ACSS3: variants seen among roughly 807,000 people sequenced by gnomAD.
ACSS3 encodes the protein acyl-CoA synthetase short chain family member 3, also known as acyl-CoA synthetase short-chain family member 3, mitochondrial.
A neutral mutation model predicts 84.2 loss-of-function variants in ACSS3; 64 were observed. The observed-to-expected ratio is 0.76, with a 90% CI of 0.62 to 0.94. The LOEUF is 0.94. ACSS3 is among the 40% of genes least tolerant of loss of function. The pLI is 0.00. For synonymous variants in ACSS3, 317 were observed against 310.1 expected (o/e 1.02, Z -0.23); for missense variants, 815 against 867.6 (o/e 0.94, Z 0.76).
At chr12:81,112,011 G>A (rs1883639001) in intron 2 of ACSS3, among the ~76,000 whole-genome samples, 1 of 152,190 alleles carries the variant, frequency 6.6e-6, no homozygotes, top group Non-Finnish European at 1.5e-5. Context: ...TACAGAGACA[G>A]CTCTCACACT....
intron 11 of ACSS3, among the ~76,000 whole-genome samples, chr12:81,227,745 A>G (rs566809822): frequency 3.3e-5 from 5 of 151,832 alleles, no homozygotes; most frequent in Non-Finnish European, 7.4e-5. Flanking sequence ...TTTCTTTTGT[A>G]CAAAATGTCT....
Position 81,199,361 on chromosome 12 carries a change from C to T in ACSS3, c.1271C>T (p.Ala424Val), listed in dbSNP as rs776859059. 6.2e-7 allele frequency: 1 copy of T among 1,613,306 alleles called. No homozygotes were observed. The highest frequency in any genetic ancestry group is 1.7e-5 in the Admixed American group (1 of 59,930). ...TTCAGGTTCAAAACATTATTTGTGG[C>T]TGGAGAACGATGTGATGTAGAGACC... ...SLTRFKTLFVAGERCDVETLE... is the reference protein window; with the variant it reads ...SLTRFKTLFVVGERCDVETLE... Residue 424 changes from alanine (A) to valine (V), a missense_variant, in exon 9 of 16, where the codon GCT (alanine) becomes GTT (valine). Ala to Val is a moderately conservative substitution (Grantham distance 64). Coordinates refer to ENST00000548058, the MANE Select transcript of ACSS3 (RefSeq NM_024560.4).
At chr12:81,191,354 T>G (rs1159781567) in intron 8 of ACSS3, among the ~76,000 whole-genome samples, 1 of 152,094 alleles carries the variant, frequency 6.6e-6, no homozygotes, top group East Asian at 1.9e-4. Flanking sequence ...TTTTTGGAGA[T>G]TCCTTTAAAA....
At position 81,253,581 on chromosome 12, in the gene ACSS3, G is replaced by T. The variant is rs769329854; in HGVS notation, c.1906G>T (p.Ala636Ser). The T allele has an allele frequency of 6.2e-7, 1 of 1,613,856 alleles. No individual in the cohort carries two copies. Among genetic ancestry groups the T allele is most frequent in the Non-Finnish European group, 8.5e-7 (1 of 1,179,938 alleles). The change falls in exon 15 of 16, where the codon GCA (alanine) becomes TCA (serine). Residue 636 changes from alanine (A) to serine (S), a missense_variant. By Grantham distance (99) the Ala-to-Ser change is moderately conservative (BLOSUM62 1). Transcript: ENST00000548058. The part of the protein sequence containing the change: ...NIGPVAAFRN[A>S]VFVKQLPKTR... ...TGGCCCTGTGGCTGCTTTTCGAAAT[G>T]CAGTGTTTGTCAAACAGCTACCCAA... is the stretch of plus-strand genomic sequence containing the variant.
intron 13 of ACSS3, among the ~76,000 whole-genome samples, chr12:81,240,270 C>T (rs138554911): frequency 3.3e-3 from 500 of 152,012 alleles, no homozygotes; most frequent in African/African-American, 8.9e-3. Context: ...CATGCCTTCT[C>T]GGGTTATTGA....
chr12:81,123,333 G>T (rs1431035523), intron 2 of ACSS3, among the ~76,000 whole-genome samples: 1 of 152,096 alleles, frequency 6.6e-6, no homozygotes, highest in African/African-American at 2.4e-5. Flanking sequence ...GATAGAAGGT[G>T]GAGAAAGGCT....
At chr12:81,229,511 CAATT>C (rs1460681439) in intron 11 of ACSS3, among the ~76,000 whole-genome samples, 2 of 151,814 alleles carry the variant, frequency 1.3e-5, no homozygotes, top group South Asian at 2.1e-4. Context: ...CAAATATTAA[CAATT>C]AAAACAAACT....
intron 8 of ACSS3, among the ~76,000 whole-genome samples, chr12:81,175,944 T>C (rs1041193059): frequency 6.6e-6 from 1 of 151,916 alleles, no homozygotes. Context: ...CCCGAGGAAC[T>C]AGAAAAACCA....
intron 8 of ACSS3, among the ~76,000 whole-genome samples, chr12:81,180,374 T>C (rs530741074): frequency 2.0e-5 from 3 of 152,316 alleles, no homozygotes; most frequent in East Asian, 3.9e-4. Context: ...AGATACAAGT[T>C]GGATAAAACA....
intron 1 of ACSS3, among the ~76,000 whole-genome samples, chr12:81,097,883 CAT>C (rs1236238737): frequency 6.6e-6 from 1 of 151,944 alleles, no homozygotes; most frequent in Non-Finnish European, 1.5e-5. Context: ...TCAGTTTCCT[CAT>C]ATGTAAAATG....
At chr12:81,247,364 A>C (rs944803179) in intron 13 of ACSS3, among the ~76,000 whole-genome samples, 3 of 152,118 alleles carry the variant, frequency 2.0e-5, no homozygotes, top group African/African-American at 7.2e-5. Flanking sequence ...AGGAGTATCA[A>C]CCTATTCAAA....
intron 11 of ACSS3, among the ~76,000 whole-genome samples, chr12:81,221,299 C>T (rs1341101399): frequency 6.6e-6 from 1 of 151,932 alleles, no homozygotes; most frequent in African/African-American, 2.4e-5. Flanking sequence ...CCAGATTGAG[C>T]TACTATAAAT....
intron 8 of ACSS3, among the ~76,000 whole-genome samples, chr12:81,191,375 T>C (rs999000313): frequency 2.0e-5 from 3 of 152,256 alleles, no homozygotes; most frequent in African/African-American, 7.2e-5. Context: ...TCTAGATTTT[T>C]AGTCAAGATT....
At chr12:81,190,436 T>C (rs559674742) in intron 8 of ACSS3, among the ~76,000 whole-genome samples, 1 of 152,208 alleles carries the variant, frequency 6.6e-6, no homozygotes, top group East Asian at 1.9e-4. Flanking sequence ...TATAACAACA[T>C]GTAACTGTTT....
At position 81,220,010 on chromosome 12, in the gene ACSS3, T is replaced by C. The variant is rs753643934; in HGVS notation, c.1451-3T>C. On this transcript the variant is annotated splice_region_variant and splice_polypyrimidine_tract_variant and intron_variant, in intron 10 of 15. Transcript: ENST00000548058. ...ATTCAAATATTTATATTTTACTTTG[T>C]AGTTATGATTTTGGATGACAACATG... 105 of 1,517,336 alleles carry C rather than the reference T, an allele frequency of 6.9e-5. No homozygotes were observed. Among genetic ancestry groups the C allele is most frequent in the Non-Finnish European group, 9.0e-5 (102 of 1,128,326 alleles). The allele number at this position is 1,517,336 out of a possible 1,614,324, so 94.0% of individuals were successfully genotyped here. A position where few individuals can be genotyped will look rare whatever the true frequency, so the allele number is the denominator to read the frequency against.
intron 7 of ACSS3, among the ~76,000 whole-genome samples, chr12:81,163,714 GTAGGCC>G (rs1431301868): frequency 6.6e-6 from 1 of 152,124 alleles, no homozygotes; most frequent in African/African-American, 2.4e-5. Flanking sequence ...CTGATCCTGT[GTAGGCC>G]TAGGCTAATG....
chr12:81,100,188 A>G (rs1224180608), intron 1 of ACSS3, among the ~76,000 whole-genome samples: 1 of 149,124 alleles, frequency 6.7e-6, no homozygotes, highest in Admixed American at 6.8e-5. Flanking sequence ...TTAATGAGCA[A>G]GGGGCAAGGA....
At chr12:81,198,457 T>A (rs1371445239) in intron 8 of ACSS3, among the ~76,000 whole-genome samples, 1 of 152,132 alleles carries the variant, frequency 6.6e-6, no homozygotes, top group Non-Finnish European at 1.5e-5. Flanking sequence ...TATACTACGT[T>A]GTTCAGGATC....
chr12:81,231,442 T>G (rs1162184826), intron 12 of ACSS3, among the ~76,000 whole-genome samples: 2 of 151,844 alleles, frequency 1.3e-5, no homozygotes, highest in African/African-American at 4.8e-5. Context: ...TTTTGGACTT[T>G]CTGTATGTTT....
Sources: allele counts gnomAD v4.1 joint callset (sites outside exome capture counted in the v4.1 genomes callset), GRCh38; gene constraint gnomAD v4.1.1; transcripts MANE v1.5; gene names NCBI Gene and HGNC (gene_info 2026-07-23, HGNC 2026-07-21).